STX8: variants seen among roughly 807,000 people sequenced by gnomAD.
STX8 encodes the protein syntaxin-8.
Under a neutral mutation model 37.5 loss-of-function variants are expected in STX8, and 23 were observed. That is an observed-to-expected ratio of 0.61 (90% CI 0.44 to 0.87). The LOEUF is 0.87. Ranked by LOEUF, STX8 falls within the 40% of genes least tolerant of loss-of-function variation. The probability of loss-of-function intolerance (pLI) is 0.00; values close to 1 mark genes in which losing one functional copy is unlikely to be tolerated. For missense variants in STX8, 313 were observed against 284.7 expected, an observed-to-expected ratio of 1.10 and a Z score of -0.71; for synonymous variants, 115 against 99.1, an observed-to-expected ratio of 1.16 and a Z score of -0.95.
At chr17:9,538,751 CAG>C (rs1214448610) in intron 4 of STX8, among the ~76,000 whole-genome samples, 1 of 152,174 alleles carries the variant, frequency 6.6e-6, no homozygotes, top group African/African-American at 2.4e-5. Flanking sequence ...TAATCCTCTA[CAG>C]AGTTGGTGGT....
intron 6 of STX8, among the ~76,000 whole-genome samples, chr17:9,407,045 A>C (rs1912826077): frequency 6.6e-6 from 1 of 152,218 alleles, no homozygotes; most frequent in Admixed American, 6.5e-5. Flanking sequence ...AAATTTTAAA[A>C]AATTAAGTCC....
At chr17:9,444,498 C>G (rs1463064064) in intron 6 of STX8, among the ~76,000 whole-genome samples, 1 of 152,072 alleles carries the variant, frequency 6.6e-6, no homozygotes, top group Non-Finnish European at 1.5e-5. Context: ...TAATAATAAA[C>G]CTCAGTTAAA....
intron 7 of STX8, among the ~76,000 whole-genome samples, chr17:9,350,968 AACTAAGGC>A (rs1246302911): frequency 6.6e-6 from 1 of 152,184 alleles, no homozygotes; most frequent in Non-Finnish European, 1.5e-5. Flanking sequence ...TTAACATGGG[AACTAAGGC>A]ACTAACCCAT....
chr17:9,562,613 A>ATAT (rs1209911723), intron 2 of STX8, among the ~76,000 whole-genome samples: 1 of 51,146 alleles, frequency 2.0e-5, no homozygotes, highest in African/African-American at 4.9e-5. Flanking sequence ...AAAAAAAAAA[A>ATAT]ATATATATAT....
At chr17:9,570,830 C>A (rs1597751375) in intron 1 of STX8, among the ~76,000 whole-genome samples, 1 of 152,194 alleles carries the variant, frequency 6.6e-6, no homozygotes, top group East Asian at 1.9e-4. Flanking sequence ...TTACTGCTGA[C>A]CAAGGCACTC....
intron 4 of STX8, among the ~76,000 whole-genome samples, chr17:9,516,881 T>C (rs1309439851): frequency 6.6e-6 from 1 of 152,106 alleles, no homozygotes; most frequent in African/African-American, 2.4e-5. Flanking sequence ...TTCTCACCCA[T>C]AAAACAAGCA....
intron 4 of STX8, among the ~76,000 whole-genome samples, chr17:9,539,547 C>T (rs532468721): frequency 1.3e-5 from 2 of 152,150 alleles, no homozygotes; most frequent in Non-Finnish European, 1.5e-5. Flanking sequence ...ATAGTGAGCA[C>T]GTCTATAACA....
chr17:9,523,075 G>A (rs1159912743), intron 4 of STX8, among the ~76,000 whole-genome samples: 1 of 151,992 alleles, frequency 6.6e-6, no homozygotes, highest in East Asian at 1.9e-4. Context: ...CACTTTGGGA[G>A]GCCGAGGCAG....
At chr17:9,437,284 T>C (rs535436629) in intron 6 of STX8, among the ~76,000 whole-genome samples, 8 of 152,330 alleles carry the variant, frequency 5.3e-5, no homozygotes, top group Admixed American at 2.0e-4. Context: ...CTTTCTCTCT[T>C]TTCTTTCCCC....
intron 5 of STX8, among the ~76,000 whole-genome samples, chr17:9,492,833 C>A (rs558983570): frequency 2.6e-5 from 4 of 152,118 alleles, no homozygotes; most frequent in African/African-American, 9.7e-5. Flanking sequence ...CGGTGGCTCA[C>A]GCCTGTAATC....
chr17:9,424,622 G>A (rs946538652), intron 6 of STX8, among the ~76,000 whole-genome samples: 1 of 151,954 alleles, frequency 6.6e-6, no homozygotes, highest in Admixed American at 6.6e-5. Flanking sequence ...TTCCCTCCAG[G>A]TCATGCCCTG....
At chr17:9,428,708 C>T (rs1913732118) in intron 6 of STX8, among the ~76,000 whole-genome samples, 1 of 152,132 alleles carries the variant, frequency 6.6e-6, no homozygotes, top group South Asian at 2.1e-4. Flanking sequence ...CCAAATATTA[C>T]CATTTCAGTA....
At chr17:9,263,402 C>G (rs560386677) in intron 7 of STX8, among the ~76,000 whole-genome samples, 1 of 151,280 alleles carries the variant, frequency 6.6e-6, no homozygotes, top group Admixed American at 6.6e-5. Flanking sequence ...TCGCTTGAAC[C>G]TGGGAGGCGG....
intron 5 of STX8, among the ~76,000 whole-genome samples, chr17:9,496,008 G>C (rs1904383786): frequency 6.6e-6 from 1 of 151,706 alleles, no homozygotes; most frequent in Non-Finnish European, 1.5e-5. Context: ...GGGCAATATA[G>C]CAAGACTCCT....
intron 5 of STX8, among the ~76,000 whole-genome samples, chr17:9,503,162 A>G (rs1027838256): frequency 1.3e-5 from 2 of 151,198 alleles, no homozygotes; most frequent in Non-Finnish European, 2.9e-5. Flanking sequence ...CAGTTCAATG[A>G]ATCTTAAAAT....
intron 7 of STX8, among the ~76,000 whole-genome samples, chr17:9,333,262 C>T (rs536329094): frequency 2.6e-5 from 4 of 152,186 alleles, no homozygotes; most frequent in African/African-American, 7.2e-5. Flanking sequence ...CTCTCTCCCC[C>T]ACAATAGTCC....
intron 6 of STX8, among the ~76,000 whole-genome samples, chr17:9,403,440 G>A (rs945815500): frequency 2.3e-4 from 35 of 152,116 alleles, no homozygotes; most frequent in African/African-American, 7.5e-4. Context: ...TGTGTGCGAT[G>A]GCATAAGTAG....
intron 6 of STX8, among the ~76,000 whole-genome samples, chr17:9,407,885 CTTAG>C (rs1912852416): frequency 6.6e-6 from 1 of 152,068 alleles, no homozygotes; most frequent in African/African-American, 2.4e-5. Context: ...CTATTCAGAT[CTTAG>C]TTAATCTCTT....
rs377159395 is a variant in STX8 at position 9,274,751 on chromosome 17, C to CTTTT, written c.644-24110_644-24107dup. Among the ~76,000 whole-genome samples the CTTTT allele has an allele frequency of 1.4e-3, 108 of 78,638 alleles. 10 individuals carry two copies. Among genetic ancestry groups the CTTTT allele is most frequent in the African/African-American group, 4.3e-3 (100 of 23,304 alleles). 51.6% of individuals were successfully genotyped at this position (78,638 alleles called of 152,430 possible). On this transcript the variant is annotated intron_variant, in intron 7 of 7. Transcript: ENST00000306357. ...TCAAAAATACAACAATTTCTTTTTT[C>CTTTT]TTTTTTTTTTTTTTTTTTGAGACGG...
Sources: allele counts gnomAD v4.1 joint callset (sites outside exome capture counted in the v4.1 genomes callset), GRCh38; gene constraint gnomAD v4.1.1; transcripts MANE v1.5; gene names NCBI Gene and HGNC (gene_info 2026-07-23, HGNC 2026-07-21).